VDR: variants seen among roughly 807,000 people sequenced by gnomAD.
VDR encodes the protein vitamin D receptor.
VDR carries 19 observed loss-of-function variants against 39.7 expected under a neutral mutation model. The observed-to-expected ratio is 0.48, with a 90% CI of 0.33 to 0.70. VDR has a LOEUF of 0.70. VDR is among the 30% of genes least tolerant of loss of function. The pLI is 0.02. For missense variants in VDR, 442 were observed against 570.5 expected (o/e 0.77, Z 2.29); for synonymous variants, 242 against 215.8 (o/e 1.12, Z -1.07).
chr12:47,857,324 A>T (rs2137146268), intron 5 of VDR, 75 bp from the exon 6 acceptor site: 1 of 1,612,026 alleles, frequency 6.2e-7, no homozygotes, highest in East Asian at 2.2e-5. Context: ...CTCTGATAGG[A>T]ATGGCTTTGA....
chr12:47,866,399 A>G (rs1164238688), intron 3 of VDR, among the ~76,000 whole-genome samples: 1 of 152,242 alleles, frequency 6.6e-6, no homozygotes, highest in Non-Finnish European at 1.5e-5. Flanking sequence ...CTGGCCGAAG[A>G]AACCTTTTTA....
chr12:47,867,249 G>A (rs780055175), intron 3 of VDR, among the ~76,000 whole-genome samples: 26 of 152,184 alleles, frequency 1.7e-4, no homozygotes, highest in Non-Finnish European at 2.9e-4. Flanking sequence ...CGCTACTCGG[G>A]AGGCTGAGGC....
intron 1 of VDR, among the ~76,000 whole-genome samples, chr12:47,885,428 T>G (rs1946234049): frequency 6.6e-6 from 1 of 152,246 alleles, no homozygotes; most frequent in Non-Finnish European, 1.5e-5. Flanking sequence ...TGCGGCAGCT[T>G]CTGTTAAATG....
intron 3 of VDR, among the ~76,000 whole-genome samples, chr12:47,868,031 C>T (rs1044435908): frequency 1.3e-5 from 2 of 152,192 alleles, no homozygotes; most frequent in African/African-American, 4.8e-5. Flanking sequence ...GTCAGTGTAA[C>T]TCCCTCCCTT....
rs759925006 is a variant in VDR at position 47,879,096 on chromosome 12, G to C, written c.18C>G (p.Ala6=). The C allele has an allele frequency of 5.0e-6, 8 of 1,613,912 alleles. No homozygotes were observed. In the African/African-American group the frequency reaches 1.1e-4, roughly 22 times the overall value. The change falls in exon 3 of 10, where the codon GCC becomes GCG. Residue 6 remains alanine, a synonymous_variant. Transcript: ENST00000549336. Reference sequence around the variant, plus strand: ...CTCCAGGGTCAGGCAGGGAAGTGCTGGCCGCCATTGCCTCCATCCCTGTAA... The same window carrying C: ...CTCCAGGGTCAGGCAGGGAAGTGCTCGCCGCCATTGCCTCCATCCCTGTAA... The part of the protein sequence containing the change: MEAMA[A]STSLPDPGDF...
rs569287722 is a variant in VDR at position 47,880,698 on chromosome 12, A to C, written c.-2-1583T>G. ...AATGTATTAGGTTGGTGCAAAAGTAATTGTGGTTTTGGCCATCAAAAATAA... is the reference window on the plus strand; with the variant it reads ...AATGTATTAGGTTGGTGCAAAAGTACTTGTGGTTTTGGCCATCAAAAATAA... On this transcript the variant is annotated intron_variant, in intron 2 of 9. Coordinates refer to ENST00000549336, the MANE Select transcript of VDR (RefSeq NM_000376.3). 5.8e-4 allele frequency among the ~76,000 whole-genome samples: 88 copies of C among 152,070 alleles called. 1 individual carries two copies. The highest frequency in any genetic ancestry group is 2.1e-3 in the African/African-American group (87 of 41,480).
intron 1 of VDR, among the ~76,000 whole-genome samples, chr12:47,883,873 C>T (rs1475930693): frequency 6.6e-6 from 1 of 152,222 alleles, no homozygotes; most frequent in African/African-American, 2.4e-5. Context: ...CCCTCCAGTA[C>T]TGCCAGCTCC....
intron 6 of VDR, among the ~76,000 whole-genome samples, chr12:47,856,221 T>C (rs186212245): frequency 6.6e-6 from 1 of 152,208 alleles, no homozygotes. Context: ...TTTATAAAGA[T>C]GCAGGAAATT....
intron 3 of VDR, among the ~76,000 whole-genome samples, chr12:47,866,303 T>G (rs1945734453): frequency 7.0e-6 from 1 of 142,602 alleles, no homozygotes; most frequent in Non-Finnish European, 1.5e-5. Flanking sequence ...GAGACGGGGT[T>G]TCACTGTGGT....
rs138757666 is a variant in VDR, at chr12:47,866,542, T to C, written c.147-1365A>G. Among the ~76,000 whole-genome samples, 60 of 152,274 alleles carry C rather than the reference T, an allele frequency of 3.9e-4. No homozygotes were observed. In the East Asian group the frequency reaches 0.011, roughly 29 times the overall value. ...ACTGGAATAGCTCCTGTTCCAGGGATAGATGTGTACATGGAAGGAAGAAAA... is the reference window on the plus strand; with the variant it reads ...ACTGGAATAGCTCCTGTTCCAGGGACAGATGTGTACATGGAAGGAAGAAAA... On this transcript the variant is annotated intron_variant, in intron 3 of 9. Transcript: ENST00000549336.
chr12:47,897,644 C>G (rs1946485903), intron 1 of VDR, among the ~76,000 whole-genome samples: 1 of 152,170 alleles, frequency 6.6e-6, no homozygotes, highest in African/African-American at 2.4e-5. Flanking sequence ...CCCCAGTAGT[C>G]CTAGCAGGGT....
chr12:47,873,563 G>A (rs1004626599), intron 3 of VDR, among the ~76,000 whole-genome samples: 4 of 150,562 alleles, frequency 2.7e-5, no homozygotes, highest in Non-Finnish European at 4.4e-5. Context: ...GGGTTTCACC[G>A]TGTTAGCCAG....
chr12:47,846,283 T>A, intron 9 of VDR, 52 bp downstream of exon 9: 1 of 1,549,750 alleles, frequency 6.5e-7, no homozygotes, highest in Non-Finnish European at 8.8e-7. Context: ...TCTTTGTCCT[T>A]CATACTCCCC....
chr12:47,867,967 C>T (rs1467475326), intron 3 of VDR, among the ~76,000 whole-genome samples: 1 of 151,296 alleles, frequency 6.6e-6, no homozygotes, highest in Non-Finnish European at 1.5e-5. Flanking sequence ...TAGGGCTCTA[C>T]TGGCAGTCCC....
At chr12:47,882,455 C>T (rs1459306099) in intron 2 of VDR, among the ~76,000 whole-genome samples, 1 of 152,068 alleles carries the variant, frequency 6.6e-6, no homozygotes, top group Non-Finnish European at 1.5e-5. Context: ...GAGAGCCCAG[C>T]CAGGGTCGTG....
intron 4 of VDR, among the ~76,000 whole-genome samples, chr12:47,857,910 T>C (rs1044734040): frequency 5.3e-4 from 80 of 152,018 alleles, no homozygotes; most frequent in Non-Finnish European, 1.0e-4. Flanking sequence ...AAAGAGGATT[T>C]GAGAGGGGGG....
intron 1 of VDR, among the ~76,000 whole-genome samples, chr12:47,894,391 G>C (rs778828401): frequency 6.6e-6 from 1 of 152,238 alleles, no homozygotes; most frequent in Non-Finnish European, 1.5e-5. Context: ...TCAGAACCTA[G>C]ATTCAATTAA....
In VDR at chr12:47,857,476, G is replaced by A. The variant is rs148423719; in HGVS notation, c.462+28C>T. The A allele has an allele frequency of 2.3e-4, 375 of 1,614,028 alleles. 1 individual carries two copies. In the East Asian group the frequency reaches 6.7e-3, roughly 29 times the overall value. On this transcript the variant is annotated intron_variant, in intron 5 of 9. Coordinates refer to ENST00000549336, the MANE Select transcript of VDR (RefSeq NM_000376.3). ...TCCACTAGTGCTTCTCCTCTGGACCGGCTCATCCTCCCAGCAGGCAGACAT... is the reference window on the plus strand; with the variant it reads ...TCCACTAGTGCTTCTCCTCTGGACCAGCTCATCCTCCCAGCAGGCAGACAT...
chr12:47,886,099 T>C (rs541279756), intron 1 of VDR, among the ~76,000 whole-genome samples: 1 of 152,234 alleles, frequency 6.6e-6, no homozygotes, highest in Non-Finnish European at 1.5e-5. Context: ...CTACTCCTTC[T>C]AGAAAGAAAT....
Sources: gnomAD v4.1 joint callset for allele counts (sites outside exome capture counted in the v4.1 genomes callset) on GRCh38, gnomAD v4.1.1 for gene constraint, MANE v1.5 for transcripts, NCBI Gene and HGNC (gene_info 2026-07-23, HGNC 2026-07-21) for gene names.